The following USP6NL variants were observed in gnomAD, a reference collection of about 807,000 sequenced individuals.
USP6NL encodes USP6 N-terminal like.
A neutral mutation model predicts 61.9 loss-of-function variants in USP6NL; 26 were observed. The ratio of observed to expected loss-of-function variants is 0.42; its 90% confidence interval spans 0.31 to 0.58. The LOEUF (loss-of-function observed/expected upper bound fraction) is 0.58. Ranked by LOEUF, USP6NL falls within the 20% of genes least tolerant of loss-of-function variation. The probability of loss-of-function intolerance (pLI) is 0.16; values close to 1 mark genes in which losing one functional copy is unlikely to be tolerated. For synonymous variants in USP6NL, 432 were observed against 390.1 expected (o/e 1.11, Z -1.27); for missense variants, 1,114 against 1,034.3 (o/e 1.08, Z -1.06).
chr10:11,556,710 C>T (rs1394737580), intron 2 of USP6NL, among the ~76,000 whole-genome samples: 1 of 152,022 alleles, frequency 6.6e-6, no homozygotes, highest in East Asian at 1.9e-4. Flanking sequence ...AAACAATCAA[C>T]CCAAGAGGAA....
rs1445089782 is a variant in USP6NL at position 11,611,281 on chromosome 10, C to T, written c.-84+162G>A. The T allele has an allele frequency of 6.6e-6, 1 of 151,898 alleles. No homozygotes were observed. Among genetic ancestry groups the T allele is most frequent in the African/African-American group, 2.4e-5 (1 of 41,398 alleles). 9.4% of individuals were successfully genotyped at this position (151,898 alleles called of 1,614,324 possible). ...CCCCGCACTGTGCCCGAGCCGCCCC[C>T]CAGGGCCGAGCCGCGAACCGCAGCC... is the stretch of plus-strand genomic sequence containing the variant. On this transcript the variant is annotated intron_variant, in intron 1 of 14. Transcript: ENST00000609104. The surrounding 1 kb of genome is among the most constrained non-coding windows in gnomAD (Gnocchi z 5.3).
At position 11,592,720 on chromosome 10, in the gene USP6NL, G is replaced by C. The variant is rs1187642688; in HGVS notation, c.4+4911C>G. Among the ~76,000 whole-genome samples, 1 of 152,146 alleles carries C rather than the reference G, an allele frequency of 6.6e-6. No individual in the cohort carries two copies. The highest frequency in any genetic ancestry group is 1.9e-4 in the East Asian group (1 of 5,198). ...AGTTTATCTATCTAGATAGGCTACT[G>C]TCCTAGAGAGTTTTAGCCAGTACTT... On this transcript the variant is annotated intron_variant, in intron 2 of 14. Coordinates refer to ENST00000609104, the MANE Select transcript of USP6NL (RefSeq NM_014688.5). The surrounding 1 kb of genome is among the most constrained non-coding windows in gnomAD (Gnocchi z 4.7).
At chr10:11,530,436 G>A (rs928713246) in intron 2 of USP6NL, among the ~76,000 whole-genome samples, 4 of 152,214 alleles carry the variant, frequency 2.6e-5, no homozygotes, top group East Asian at 1.9e-4. Flanking sequence ...GATCACTGTC[G>A]GTCTATAGAG....
chr10:11,481,955 G>C lies in USP6NL; in HGVS notation c.926-33C>G. ...AGGATAAGAGAAATGAAAATGCCAA[G>C]TCAATAGCTACTTTAGGTAGGAAGA... On this transcript the variant is annotated intron_variant, in intron 13 of 14. Transcript: ENST00000609104. The surrounding 1 kb of genome is among the most constrained non-coding windows in gnomAD (Gnocchi z 4.4). 6.4e-7 allele frequency: 1 copy of C among 1,572,580 alleles called. No individual in the cohort carries two copies. The highest frequency in any genetic ancestry group is 2.2e-5 in the East Asian group (1 of 44,466).
chr10:11,528,128 G>GACACACACACAC lies in USP6NL; in HGVS notation c.5-573_5-562dup, dbSNP rs142649349. Among the ~76,000 whole-genome samples, 42 of 142,258 alleles carry GACACACACACAC rather than the reference G, an allele frequency of 3.0e-4. No individual in the cohort carries two copies. The highest frequency in any genetic ancestry group is 4.5e-4 in the South Asian group (2 of 4,436). The allele number at this position is 142,258 out of a possible 152,430, so 93.3% of individuals were successfully genotyped here. A position where few individuals can be genotyped will look rare whatever the true frequency, so the allele number is the denominator to read the frequency against. ...ACATATGTGTGTGGACACACACACA[G>GACACACACACAC]ACACACACACACACACACACACACA... is the stretch of plus-strand genomic sequence containing the variant. On this transcript the variant is annotated intron_variant, in intron 2 of 14. Transcript: ENST00000609104. The surrounding 1 kb of genome is among the most constrained non-coding windows in gnomAD (Gnocchi z 4.6).
rs1834100663 is a variant in USP6NL at position 11,499,829 on chromosome 10, A to G, written c.384+1272T>C. On this transcript the variant is annotated intron_variant, in intron 7 of 14. Coordinates refer to ENST00000609104, the MANE Select transcript of USP6NL (RefSeq NM_014688.5). This position sits in a 1 kb window ranked among gnomAD's most constrained non-coding sequence, Gnocchi z 4.5. ...AGAGTTCTGTTGTTTTGAGCCGCTT[A>G]GTTTGTGGTACTTGGTTACAGCAGC... Among the ~76,000 whole-genome samples, 1 of 152,220 alleles carries G rather than the reference A, an allele frequency of 6.6e-6. No individual in the cohort carries two copies. The highest frequency in any genetic ancestry group is 1.5e-5 in the Non-Finnish European group (1 of 68,032).
rs1227254519 is a variant in USP6NL, at chr10:11,595,078, T to C, written c.4+2553A>G. Among the ~76,000 whole-genome samples the C allele has an allele frequency of 1.3e-5, 2 of 152,152 alleles. No individual in the cohort carries two copies. Among genetic ancestry groups the C allele is most frequent in the Non-Finnish European group, 2.9e-5 (2 of 68,024 alleles). The stretch of plus-strand genomic sequence containing the variant: ...CTGATTTTTTTAAAAGAATCTGAAG[T>C]GGGAAGTAAGGCGTTAAGTCCCCGA... On this transcript the variant is annotated intron_variant, in intron 2 of 14. Transcript: ENST00000609104. This position sits in a 1 kb window ranked among gnomAD's most constrained non-coding sequence, Gnocchi z 5.3.
chr10:11,608,592 G>T (rs371643754), intron 1 of USP6NL, among the ~76,000 whole-genome samples: 37 of 152,190 alleles, frequency 2.4e-4, no homozygotes, highest in African/African-American at 7.5e-4. Flanking sequence ...CTTCCACAGG[G>T]GACTTGCCCT....
rs1833870081 is a variant in USP6NL, at chr10:11,495,239, T to C, written c.385-2011A>G. 1.3e-5 allele frequency among the ~76,000 whole-genome samples: 2 copies of C among 152,246 alleles called. No individual in the cohort carries two copies. The highest frequency in any genetic ancestry group is 4.8e-5 in the African/African-American group (2 of 41,462). On this transcript the variant is annotated intron_variant, in intron 7 of 14. Coordinates refer to ENST00000609104, the MANE Select transcript of USP6NL (RefSeq NM_014688.5). This position sits in a 1 kb window ranked among gnomAD's most constrained non-coding sequence, Gnocchi z 4.6. ...GTATGGCCTGGTTTTTCCTAGGTTA[T>C]GATTATAGAGCGAGGATTATTATAA...
Position 11,602,084 on chromosome 10 carries a change from C to T in USP6NL, c.-83-4367G>A, listed in dbSNP as rs1305539649. ...ATACATACATATACACACACACACA[C>T]GTCCAAATAACAAGGGATTGACTAC... On this transcript the variant is annotated intron_variant, in intron 1 of 14. Coordinates refer to ENST00000609104, the MANE Select transcript of USP6NL (RefSeq NM_014688.5). This position sits in a 1 kb window ranked among gnomAD's most constrained non-coding sequence, Gnocchi z 4.8. Among the ~76,000 whole-genome samples the T allele has an allele frequency of 2.6e-5, 4 of 152,232 alleles. No homozygotes were observed. Among genetic ancestry groups the T allele is most frequent in the East Asian group, 3.9e-4 (2 of 5,192 alleles).
In USP6NL at chr10:11,561,970, G is replaced by A. The variant is rs559125542; in HGVS notation, c.5-34403C>T. Reference sequence around the variant, plus strand: ...CTCTCATCTTCCTAAAAGAATGCCAGATCTTTTTAAGCAAGGATGTTCTGA... The same window carrying A: ...CTCTCATCTTCCTAAAAGAATGCCAAATCTTTTTAAGCAAGGATGTTCTGA... On this transcript the variant is annotated intron_variant, in intron 2 of 14. Transcript: ENST00000609104. The surrounding 1 kb of genome is among the most constrained non-coding windows in gnomAD (Gnocchi z 4.1). Among the ~76,000 whole-genome samples the A allele has an allele frequency of 3.5e-4, 53 of 152,244 alleles. No individual in the cohort carries two copies. The highest frequency in any genetic ancestry group is 5.9e-4 in the Non-Finnish European group (40 of 68,010).
At chr10:11,523,658 G>GC in intron 4 of USP6NL, among the ~76,000 whole-genome samples, 1 of 152,116 alleles carries the variant, frequency 6.6e-6, no homozygotes, top group South Asian at 2.1e-4. Context: ...TGTTTCTAGG[G>GC]CCCCGCTCAT....
Position 11,461,285 on chromosome 10 carries a change from C to CA in USP6NL, c.*1155dup, listed in dbSNP as rs2096213336. 6.7e-6 allele frequency: 1 copy of CA among 148,422 alleles called. No homozygotes were observed. The highest frequency in any genetic ancestry group is 6.8e-5 in the Admixed American group (1 of 14,746). 9.2% of individuals were successfully genotyped at this position (148,422 alleles called of 1,614,324 possible). On this transcript the variant is annotated 3_prime_UTR_variant, in exon 15 of 15. Transcript: ENST00000609104. ...TTTGTTTCAATGAAAAAAAGATGTT[C>CA]AAAAGCATGAAATCACACTGTATTT...
intron 5 of USP6NL, among the ~76,000 whole-genome samples, chr10:11,515,438 C>T (rs1321321049): frequency 6.6e-6 from 1 of 152,204 alleles, no homozygotes; most frequent in Non-Finnish European, 1.5e-5. Flanking sequence ...TCTCTGCCCC[C>T]AGTTCCCTCC....
Position 11,463,490 on chromosome 10 carries a change from T to G in USP6NL, c.1438A>C (p.Arg480=), listed in dbSNP as rs1317358637. The change falls in exon 15 of 15, where the codon AGG becomes CGG. Residue 480 remains arginine (R), a synonymous_variant. Transcript: ENST00000609104. This position sits in a 1 kb window ranked among gnomAD's most constrained non-coding sequence, Gnocchi z 6.3. The part of the protein sequence containing the change: ...NQNSNATSNI[R]KEFVPKWNKP... ...TTCCATTTGGGCACAAACTCCTTCC[T>G]GATATTTGAAGTGGCGTTGCTATTT... 1.9e-6 allele frequency: 3 copies of G among 1,613,946 alleles called. No individual in the cohort carries two copies. Among genetic ancestry groups the G allele is most frequent in the Non-Finnish European group, 2.5e-6 (3 of 1,179,914 alleles).
rs541625153 is a variant in USP6NL at position 11,463,114 on chromosome 10, A to G, written c.1814T>C (p.Phe605Ser). ...SPSKVSNKFT[F>S]KVQPPSHARY... ...TGCATGACTTGGAGGCTGTACTTTA[A>G]AAGTAAACTTGTTGGATACTTTTGA... The change falls in exon 15 of 15, where the codon TTT (phenylalanine) becomes TCT (serine). Residue 605 changes from phenylalanine (F) to serine (S), a missense_variant. Coordinates refer to ENST00000609104, the MANE Select transcript of USP6NL (RefSeq NM_014688.5). This position sits in a 1 kb window ranked among gnomAD's most constrained non-coding sequence, Gnocchi z 6.3. 126 of 1,614,022 alleles carry G rather than the reference A, an allele frequency of 7.8e-5. 3 individuals carry two copies. In the South Asian group the frequency reaches 1.3e-3, roughly 17 times the overall value.
intron 14 of USP6NL, among the ~76,000 whole-genome samples, chr10:11,473,132 G>A (rs763138068): frequency 7.2e-5 from 11 of 152,188 alleles, no homozygotes; most frequent in Non-Finnish European, 1.3e-4. Flanking sequence ...TCAAGCTAGA[G>A]AATGGTTTCA....
intron 2 of USP6NL, among the ~76,000 whole-genome samples, chr10:11,583,183 A>AT (rs1837845069): frequency 7.0e-6 from 1 of 143,756 alleles, no homozygotes; most frequent in Non-Finnish European, 1.5e-5. Context: ...TTATGTTTTC[A>AT]ATTTTTTTTT....
In USP6NL at chr10:11,600,401, C is replaced by T. The variant is rs1481323760; in HGVS notation, c.-83-2684G>A. On this transcript the variant is annotated intron_variant, in intron 1 of 14. Transcript: ENST00000609104. The surrounding 1 kb of genome is among the most constrained non-coding windows in gnomAD (Gnocchi z 4.1). Reference sequence around the variant, plus strand: ...TAAATAACCTAACATGTAACTGAAGCCAACCCACATCTTACAGCCAAACCC... The same window carrying T: ...TAAATAACCTAACATGTAACTGAAGTCAACCCACATCTTACAGCCAAACCC... Among the ~76,000 whole-genome samples the T allele has an allele frequency of 2.0e-5, 3 of 152,100 alleles. No homozygotes were observed. The highest frequency in any genetic ancestry group is 4.4e-5 in the Non-Finnish European group (3 of 68,016).
Sources: gnomAD v4.1 joint callset for allele counts (sites outside exome capture counted in the v4.1 genomes callset) on GRCh38, gnomAD v4.1.1 for gene constraint, Gnocchi (gnomAD v3.1) non-coding constraint, MANE v1.5 for transcripts, NCBI Gene and HGNC (gene_info 2026-07-23, HGNC 2026-07-21) for gene names.